Variants in SLC24A2 observed in about 807,000 individuals in gnomAD.
The protein encoded by SLC24A2 is sodium/potassium/calcium exchanger 2.
In SLC24A2, 36 loss-of-function variants were observed where a neutral mutation model predicts 62.0. The ratio of observed to expected loss-of-function variants is 0.58; its 90% confidence interval spans 0.44 to 0.77. SLC24A2 has a LOEUF of 0.77. Ranked by LOEUF, SLC24A2 falls within the 30% of genes least tolerant of loss-of-function variation. SLC24A2 has a pLI of 0.00. For missense variants in SLC24A2, 846 were observed against 817.9 expected, an observed-to-expected ratio of 1.03 and a Z score of -0.42; for synonymous variants, 358 against 294.0, an observed-to-expected ratio of 1.22 and a Z score of -2.23.
At chr9:19,928,419 G>A in the SLC24A2 span, 2 of 152,368 alleles carry the variant, frequency 1.3e-5, no homozygotes, top group African/African-American at 4.8e-5. Context: ...AGCTCTGGAG[G>A]CAGGCAGACC....
chr9:20,257,552 C>G, the SLC24A2 span, among the ~76,000 whole-genome samples: 4 of 152,096 alleles, frequency 2.6e-5, no homozygotes, highest in Non-Finnish European at 1.5e-5. Context: ...GTCATTGGGC[C>G]TCTGGAAAGA....
chr9:19,826,149 T>C, the SLC24A2 span, among the ~76,000 whole-genome samples: 5 of 126,420 alleles, frequency 4.0e-5, no homozygotes, highest in Admixed American at 9.0e-5. Context: ...ATGACAGAAG[T>C]AGTTTCAGAA....
intron 2 of SLC24A2, among the ~76,000 whole-genome samples, chr9:19,657,674 C>G (rs1226848857): frequency 1.3e-5 from 2 of 152,168 alleles, no homozygotes; most frequent in Non-Finnish European, 1.5e-5. Flanking sequence ...AAACACTACT[C>G]TTTCCACAAA....
the SLC24A2 span, among the ~76,000 whole-genome samples, chr9:20,011,274 G>C: frequency 1.3e-5 from 2 of 152,218 alleles, no homozygotes; most frequent in African/African-American, 4.8e-5. Flanking sequence ...AGCATCTGTT[G>C]TTTCCTGATT....
At chr9:19,567,338 A>G (rs1835695519) in intron 7 of SLC24A2, among the ~76,000 whole-genome samples, 1 of 151,824 alleles carries the variant, frequency 6.6e-6, no homozygotes, top group African/African-American at 2.4e-5. Context: ...CCAGGTCAGG[A>G]GATCAAGACC....
chr9:19,837,905 A>G, the SLC24A2 span, among the ~76,000 whole-genome samples: 1 of 152,068 alleles, frequency 6.6e-6, no homozygotes, highest in Non-Finnish European at 1.5e-5. Context: ...ACCACTGCTC[A>G]ATGAAATAAA....
chr9:20,026,886 T>C, the SLC24A2 span, among the ~76,000 whole-genome samples: 4 of 152,000 alleles, frequency 2.6e-5, no homozygotes, highest in Admixed American at 6.6e-5. Context: ...GAGGACACAA[T>C]TTGCAGAATG....
intron 9 of SLC24A2, among the ~76,000 whole-genome samples, chr9:19,527,635 G>C (rs1256293714): frequency 6.6e-6 from 1 of 152,186 alleles, no homozygotes; most frequent in Non-Finnish European, 1.5e-5. Context: ...GAAGCTCAAG[G>C]AAGAGGCTAT....
At chr9:19,613,487 C>T (rs2383105) in intron 4 of SLC24A2, among the ~76,000 whole-genome samples, 113,653 of 151,984 alleles carry the variant, frequency 0.75, 42,601 homozygotes, top group East Asian at 0.88. Context: ...TTTTTCTCTA[C>T]GCTCCTCTTT....
At chr9:19,777,871 T>C (rs184510949) in intron 2 of SLC24A2, among the ~76,000 whole-genome samples, 109 of 152,326 alleles carry the variant, frequency 7.2e-4, no homozygotes, top group Non-Finnish European at 1.4e-3. Context: ...AATACTCTTG[T>C]ACAATGAATA....
chr9:20,146,766 C>T, the SLC24A2 span, among the ~76,000 whole-genome samples: 2 of 152,080 alleles, frequency 1.3e-5, no homozygotes, highest in African/African-American at 4.8e-5. Flanking sequence ...CCCGTAAGCT[C>T]CTAGAAGGCA....
At chr9:20,068,791 A>G in the SLC24A2 span, among the ~76,000 whole-genome samples, 3 of 152,084 alleles carry the variant, frequency 2.0e-5, no homozygotes, top group Non-Finnish European at 4.4e-5. Flanking sequence ...TTCTCATACT[A>G]ATATGGACAA....
the SLC24A2 span, among the ~76,000 whole-genome samples, chr9:20,255,575 G>A: frequency 6.6e-6 from 1 of 152,134 alleles, no homozygotes; most frequent in African/African-American, 2.4e-5. Flanking sequence ...GAGAGCTCAG[G>A]TGTAGCTGTC....
chr9:19,555,492 G>A (rs1007230566), intron 7 of SLC24A2, among the ~76,000 whole-genome samples: 1 of 152,088 alleles, frequency 6.6e-6, no homozygotes, highest in Admixed American at 6.6e-5. Flanking sequence ...TCTCATCCTG[G>A]GCTGTATTTT....
chr9:20,291,870 G>A, the SLC24A2 span, among the ~76,000 whole-genome samples: 1 of 152,144 alleles, frequency 6.6e-6, no homozygotes, highest in Admixed American at 6.5e-5. Flanking sequence ...AAATCACCCT[G>A]TGGTGGAAGG....
chr9:19,705,629 C>G (rs1820490890), intron 2 of SLC24A2: 1 of 227,024 alleles, frequency 4.4e-6, no homozygotes, highest in African/African-American at 2.3e-5. Context: ...ACAAAAGCCC[C>G]CTAGGATGAA....
At chr9:20,019,654 G>A in the SLC24A2 span, among the ~76,000 whole-genome samples, 1 of 152,264 alleles carries the variant, frequency 6.6e-6, no homozygotes, top group South Asian at 2.1e-4. Context: ...TCAGGACATA[G>A]GCATGGGCAA....
At chr9:19,687,291 A>G (rs1587152897) in intron 2 of SLC24A2, among the ~76,000 whole-genome samples, 1 of 152,092 alleles carries the variant, frequency 6.6e-6, no homozygotes, top group Non-Finnish European at 1.5e-5. Context: ...AAATCAAAAA[A>G]CAAAACGGAA....
the SLC24A2 span, among the ~76,000 whole-genome samples, chr9:20,132,566 A>T: frequency 7.4e-4 from 112 of 152,064 alleles, 3 homozygotes; most frequent in East Asian, 0.011. Flanking sequence ...TCTTTTAAAG[A>T]CCTCAAATCT....
Sources: allele counts gnomAD v4.1 joint callset (sites outside exome capture counted in the v4.1 genomes callset), GRCh38; gene constraint gnomAD v4.1.1; transcripts MANE v1.5; gene names NCBI Gene and HGNC (gene_info 2026-07-23, HGNC 2026-07-21).